Variants in NLGN4X observed in about 807,000 individuals in gnomAD.
NLGN4X encodes the protein neuroligin-4, X-linked.
NLGN4X carries 3 observed loss-of-function variants against 40.3 expected under a neutral mutation model. The ratio of observed to expected loss-of-function variants is 0.07; its 90% confidence interval spans 0.03 to 0.19. The LOEUF is 0.19. NLGN4X is among the 10% of genes least tolerant of loss of function. NLGN4X has a pLI of 1.00. For missense variants in NLGN4X, 382 were observed against 708.3 expected, an observed-to-expected ratio of 0.54 and a Z score of 5.23; for synonymous variants, 270 against 306.8, an observed-to-expected ratio of 0.88 and a Z score of 1.25.
chrX:6,173,098 A>G (rs919173374), intron 1 of NLGN4X, among the ~76,000 whole-genome samples: 1 of 112,326 alleles, frequency 8.9e-6, no homozygotes, highest in African/African-American at 3.2e-5. Context: ...ACTCTCTGAC[A>G]TCTCTGGGTC....
rs755735479 is a variant in NLGN4X, at chrX:5,919,991, C to T, written c.626-10752G>A. 2.1e-4 allele frequency among the ~76,000 whole-genome samples: 23 copies of T among 111,941 alleles called. No homozygotes were observed. The South Asian group carries it at 7.1e-3, about 34-fold the overall frequency. On this transcript the variant is annotated intron_variant, in intron 3 of 5. Coordinates refer to ENST00000381095, the MANE Select transcript of NLGN4X (RefSeq NM_181332.3). Reference sequence around the variant, plus strand: ...AAGGCCCCGTCAATACATTCTCTTGCGGTTCTTACATTTTGTGTTCTATGT... The same window carrying T: ...AAGGCCCCGTCAATACATTCTCTTGTGGTTCTTACATTTTGTGTTCTATGT...
intron 1 of NLGN4X, among the ~76,000 whole-genome samples, chrX:6,218,440 C>T (rs1487533311): frequency 1.9e-5 from 2 of 106,224 alleles, no homozygotes; most frequent in African/African-American, 6.9e-5. Flanking sequence ...TGTTGTTTTC[C>T]TTAACTTTTG....
intron 2 of NLGN4X, among the ~76,000 whole-genome samples, chrX:6,037,396 TCA>T (rs201561025): frequency 0.014 from 1,530 of 111,034 alleles, 10 homozygotes; most frequent in Non-Finnish European, 0.023. Context: ...AAGGAAAACC[TCA>T]CAGTCACATA....
chrX:5,979,682 T>C (rs951163136), intron 3 of NLGN4X, among the ~76,000 whole-genome samples: 2 of 108,743 alleles, frequency 1.8e-5, no homozygotes, highest in Admixed American at 1.0e-4. Context: ...GTCCAATTGT[T>C]ATGGGGTGGT....
chrX:5,995,660 C>A (rs1487484631), intron 3 of NLGN4X, among the ~76,000 whole-genome samples: 1 of 112,365 alleles, frequency 8.9e-6, no homozygotes, highest in African/African-American at 3.2e-5. Context: ...TGACAGACTT[C>A]TAAGGAGTCC....
chrX:6,048,133 T>G (rs2037375739), intron 2 of NLGN4X, among the ~76,000 whole-genome samples: 1 of 111,770 alleles, frequency 8.9e-6, no homozygotes, highest in Non-Finnish European at 1.9e-5. Flanking sequence ...CTGTGAAATG[T>G]CTTTATGACC....
chrX:6,035,487 A>G (rs774599030), intron 2 of NLGN4X, among the ~76,000 whole-genome samples: 3 of 111,973 alleles, frequency 2.7e-5, no homozygotes, highest in African/African-American at 6.5e-5. Context: ...TTTGGGTACA[A>G]TAAGAGGTAA....
At chrX:6,116,731 T>C (rs139741473) in intron 2 of NLGN4X, among the ~76,000 whole-genome samples, 9,884 of 109,653 alleles carry the variant, frequency 0.09, 395 homozygotes, top group East Asian at 0.2. Flanking sequence ...GGTTTCACCA[T>C]GTTGGCCAGG....
At chrX:6,122,618 G>T (rs1318967994) in intron 2 of NLGN4X, among the ~76,000 whole-genome samples, 1 of 109,562 alleles carries the variant, frequency 9.1e-6, no homozygotes, top group East Asian at 2.8e-4. Context: ...GAACTCCCAA[G>T]AAATTTTTAA....
chrX:6,083,237 C>T (rs1283152293), intron 2 of NLGN4X, among the ~76,000 whole-genome samples: 4 of 109,013 alleles, frequency 3.7e-5, no homozygotes, highest in Admixed American at 2.0e-4. Flanking sequence ...GGATTACAGG[C>T]GTGAGCCACC....
intron 2 of NLGN4X, among the ~76,000 whole-genome samples, chrX:6,044,376 T>A (rs1435797662): frequency 8.9e-6 from 1 of 111,738 alleles, no homozygotes; most frequent in Non-Finnish European, 1.9e-5. Flanking sequence ...TCAAAATAGT[T>A]CCTATCCTTT....
intron 2 of NLGN4X, among the ~76,000 whole-genome samples, chrX:6,076,924 G>A (rs1338390051): frequency 8.9e-6 from 1 of 112,093 alleles, no homozygotes; most frequent in Non-Finnish European, 1.9e-5. Flanking sequence ...ATGGCTGCCA[G>A]CTAAAGTTGA....
At chrX:5,894,995 C>T (rs1180875486) in intron 5 of NLGN4X, among the ~76,000 whole-genome samples, 2 of 112,095 alleles carry the variant, frequency 1.8e-5, no homozygotes, top group Non-Finnish European at 3.8e-5. Context: ...TGTGAAACTG[C>T]CTCCAGTCAT....
In NLGN4X at chrX:6,083,043, C is replaced by T. The variant is rs374725097; in HGVS notation, c.473-53611G>A. 5.9e-5 allele frequency among the ~76,000 whole-genome samples: 6 copies of T among 101,414 alleles called. 1 individual carries two copies. The highest frequency in any genetic ancestry group is 3.0e-4 in the East Asian group (1 of 3,309). The allele number at this position is 101,414 out of a possible 115,157, so 88.1% of individuals were successfully genotyped here. On this transcript the variant is annotated intron_variant, in intron 2 of 5. Transcript: ENST00000381095. ...CGCAATCTCGGCTCACTGCAGGCTC[C>T]GCCCCCTGGGGTTCACGCCATTCTC...
chrX:5,990,647 T>G (rs770757673), intron 3 of NLGN4X, among the ~76,000 whole-genome samples: 5 of 112,069 alleles, frequency 4.5e-5, no homozygotes, highest in Non-Finnish European at 7.5e-5. Context: ...CTAATTTTTT[T>G]TGTGTCCCTA....
At chrX:6,192,534 T>C (rs372608764) in intron 1 of NLGN4X, among the ~76,000 whole-genome samples, 1 of 111,734 alleles carries the variant, frequency 8.9e-6, no homozygotes, top group East Asian at 2.8e-4. Context: ...CTACCTAAGG[T>C]CATGCTGTAG....
At chrX:6,199,361 C>T (rs1291338956) in intron 1 of NLGN4X, among the ~76,000 whole-genome samples, 2 of 111,014 alleles carry the variant, frequency 1.8e-5, no homozygotes, top group African/African-American at 6.5e-5. Flanking sequence ...ATTATGAAAT[C>T]AAGAAAATAT....
At chrX:6,122,414 T>C (rs1193860126) in intron 2 of NLGN4X, among the ~76,000 whole-genome samples, 2 of 110,232 alleles carry the variant, frequency 1.8e-5, no homozygotes, top group African/African-American at 3.3e-5. Context: ...AATTTTTGTA[T>C]TTTTAGTAGA....
rs1040032667 is a variant in NLGN4X, at chrX:6,147,496, G to A, written c.472+3499C>T. On this transcript the variant is annotated intron_variant, in intron 2 of 5. Coordinates refer to ENST00000381095, the MANE Select transcript of NLGN4X (RefSeq NM_181332.3). ...CTCCTTGGGGACCAAGACGAATCAC[G>A]AACTGTACTGCCATCCCCTCATGTA... Among the ~76,000 whole-genome samples, 6 of 111,972 alleles carry A rather than the reference G, an allele frequency of 5.4e-5. 1 individual carries two copies. In the South Asian group the frequency reaches 1.9e-3, roughly 35 times the overall value.
Sources: allele counts gnomAD v4.1 joint callset (sites outside exome capture counted in the v4.1 genomes callset), GRCh38; gene constraint gnomAD v4.1.1; transcripts MANE v1.5; gene names NCBI Gene and HGNC (gene_info 2026-07-23, HGNC 2026-07-21).